Variants in MGAT4C observed in about 807,000 individuals in gnomAD.
MGAT4C encodes the protein MGAT4 family member C, also known as alpha-1,3-mannosyl-glycoprotein 4-beta-N-acetylglucosaminyltransferase C.
Under a neutral mutation model 40.1 loss-of-function variants are expected in MGAT4C, and 19 were observed. That is an observed-to-expected ratio of 0.47 (90% CI 0.33 to 0.70). The LOEUF (loss-of-function observed/expected upper bound fraction) is 0.70, where lower values mean the gene tolerates loss of function less well. Among genes scored for constraint, MGAT4C ranks in the 30% least tolerant of loss-of-function variants. The pLI is 0.02. For synonymous variants in MGAT4C, 181 were observed against 187.1 expected, an observed-to-expected ratio of 0.97 and a Z score of 0.27; for missense variants, 491 against 563.2, an observed-to-expected ratio of 0.87 and a Z score of 1.30.
chr12:86,322,350 T>C (rs2136163573), intron 4 of MGAT4C, among the ~76,000 whole-genome samples: 1 of 151,830 alleles, frequency 6.6e-6, no homozygotes, highest in Non-Finnish European at 1.5e-5. Context: ...TGTGCACATG[T>C]ACCCTAGAAC....
chr12:86,420,808 T>C (rs1024766674), intron 3 of MGAT4C, among the ~76,000 whole-genome samples: 3 of 149,136 alleles, frequency 2.0e-5, no homozygotes, highest in Admixed American at 6.7e-5. Context: ...CACACACATA[T>C]ATATGTGTGT....
At chr12:86,600,689 G>A (rs1162053696) in intron 2 of MGAT4C, among the ~76,000 whole-genome samples, 9 of 152,218 alleles carry the variant, frequency 5.9e-5, no homozygotes. Flanking sequence ...AGGAAGGCTC[G>A]GCCAGGGCTG....
intron 3 of MGAT4C, among the ~76,000 whole-genome samples, chr12:86,417,155 T>C (rs1176610990): frequency 1.3e-5 from 2 of 152,068 alleles, no homozygotes; most frequent in Non-Finnish European, 1.5e-5. Context: ...AACTAAATAG[T>C]TGAATATTTT....
chr12:86,744,641 T>A (rs1362209562), intron 1 of MGAT4C, among the ~76,000 whole-genome samples: 1 of 151,638 alleles, frequency 6.6e-6, no homozygotes, highest in South Asian at 2.1e-4. Context: ...AGATTCTCCA[T>A]TATTCATTAT....
chr12:86,629,092 AG>A (rs1962930053), intron 2 of MGAT4C, among the ~76,000 whole-genome samples: 1 of 152,134 alleles, frequency 6.6e-6, no homozygotes, highest in South Asian at 2.1e-4. Flanking sequence ...AAAAAAAACC[AG>A]GGGTTGCAAT....
At position 85,979,223 on chromosome 12, in the gene MGAT4C, G is replaced by A; in HGVS notation, c.*66C>T. On this transcript the variant is annotated 3_prime_UTR_variant, in exon 5 of 5. Transcript: ENST00000611864. ...CCCATCCATTGCTTTCCCTCCAAAA[G>A]ACAAAGGTAGCAAAAGACGAAGCAG... 1 of 1,322,114 alleles carries A rather than the reference G, an allele frequency of 7.6e-7. No individual in the cohort carries two copies. Among genetic ancestry groups the A allele is most frequent in the Non-Finnish European group, 1.0e-6 (1 of 963,896 alleles). The allele number at this position is 1,322,114 out of a possible 1,614,324, so 81.9% of individuals were successfully genotyped here.
chr12:86,599,903 G>A (rs1331874679), intron 2 of MGAT4C, among the ~76,000 whole-genome samples: 1 of 152,060 alleles, frequency 6.6e-6, no homozygotes, highest in Non-Finnish European at 1.5e-5. Context: ...CCTCCATGAA[G>A]TACACAGTGG....
chr12:86,534,915 C>A (rs1178541851), intron 2 of MGAT4C, among the ~76,000 whole-genome samples: 1 of 152,076 alleles, frequency 6.6e-6, no homozygotes, highest in Non-Finnish European at 1.5e-5. Flanking sequence ...TACACCTATT[C>A]AAATAATGGT....
chr12:86,206,778 T>G (rs1435601500), intron 1 of MGAT4C, among the ~76,000 whole-genome samples: 1 of 152,164 alleles, frequency 6.6e-6, no homozygotes, highest in East Asian at 1.9e-4. Context: ...AAGACCATAT[T>G]TTCAGTTTCA....
At chr12:86,273,016 G>A (rs1172954848) in intron 4 of MGAT4C, among the ~76,000 whole-genome samples, 2 of 152,002 alleles carry the variant, frequency 1.3e-5, no homozygotes. Flanking sequence ...ATTATTTCCT[G>A]TTTTCTTAGA....
At chr12:86,589,793 A>T (rs988958903) in intron 2 of MGAT4C, among the ~76,000 whole-genome samples, 1 of 152,064 alleles carries the variant, frequency 6.6e-6, no homozygotes, top group Non-Finnish European at 1.5e-5. Context: ...AACAGAACCC[A>T]AGACAAAAAC....
chr12:86,460,706 CAA>C (rs1957585959), intron 2 of MGAT4C, among the ~76,000 whole-genome samples: 1 of 151,868 alleles, frequency 6.6e-6, no homozygotes, highest in African/African-American at 2.4e-5. Flanking sequence ...ATAGCTGACT[CAA>C]GAGTAAGAAT....
chr12:86,747,796 T>A (rs754908605), intron 1 of MGAT4C, among the ~76,000 whole-genome samples: 6 of 151,312 alleles, frequency 4.0e-5, no homozygotes, highest in Non-Finnish European at 7.4e-5. Flanking sequence ...AAAAAGCTGG[T>A]AATAACTGGC....
At chr12:86,144,679 T>C (rs541371696) in intron 1 of MGAT4C, among the ~76,000 whole-genome samples, 1 of 152,312 alleles carries the variant, frequency 6.6e-6, no homozygotes, top group African/African-American at 2.4e-5. Context: ...CATATCTTTA[T>C]TGTACGTTAT....
chr12:86,384,198 G>T (rs1956009863), intron 3 of MGAT4C, among the ~76,000 whole-genome samples: 1 of 152,122 alleles, frequency 6.6e-6, no homozygotes, highest in Non-Finnish European at 1.5e-5. Context: ...CCAGTCTCAG[G>T]TATGTTTTTA....
intron 4 of MGAT4C, among the ~76,000 whole-genome samples, chr12:86,290,168 G>A (rs776939153): frequency 2.0e-5 from 3 of 151,674 alleles, no homozygotes; most frequent in Non-Finnish European, 4.4e-5. Flanking sequence ...TGCCTCAGCC[G>A]CCCAAGTAGC....
In MGAT4C at chr12:86,534,810, CT is replaced by C. The variant is rs554224992; in HGVS notation, c.-228-99546del. Among the ~76,000 whole-genome samples the C allele has an allele frequency of 7.1e-4, 108 of 152,140 alleles. 2 individuals are homozygous for C. Among genetic ancestry groups the C allele is most frequent in the African/African-American group, 2.5e-3 (105 of 41,510 alleles). On this transcript the variant is annotated intron_variant, in intron 2 of 7. Coordinates refer to the MGAT4C transcript ENST00000548651. ...CTTTTCATTTCTGTTTATTCTGCCC[CT>C]GTTTTGTTATGAAGTGTAGGAGCTC...
At chr12:86,652,279 A>G (rs1179987536) in intron 2 of MGAT4C, among the ~76,000 whole-genome samples, 1 of 151,920 alleles carries the variant, frequency 6.6e-6, no homozygotes, top group African/African-American at 2.4e-5. Context: ...CTTTCCCCAT[A>G]GACATATTTT....
At chr12:86,472,105 T>TTTTAAAAATA (rs1388404885) in intron 2 of MGAT4C, among the ~76,000 whole-genome samples, 1 of 152,150 alleles carries the variant, frequency 6.6e-6, no homozygotes, top group Non-Finnish European at 1.5e-5. Flanking sequence ...ATGCTCTAAT[T>TTTTAAAAATA]TTTAAAAATG....
Sources: gnomAD v4.1 joint callset for allele counts (sites outside exome capture counted in the v4.1 genomes callset) on GRCh38, gnomAD v4.1.1 for gene constraint, MANE v1.5 for transcripts, NCBI Gene and HGNC (gene_info 2026-07-23, HGNC 2026-07-21) for gene names.